Variants in DOCK9 observed in about 807,000 individuals in gnomAD.
DOCK9 encodes dedicator of cytokinesis 9.
In DOCK9, 89 loss-of-function variants were observed where a neutral mutation model predicts 263.3. The observed-to-expected ratio is 0.34, with a 90% CI of 0.28 to 0.40. The LOEUF is 0.40. DOCK9 is among the 10% of genes least tolerant of loss of function. The probability of loss-of-function intolerance (pLI) is 1.00; values close to 1 mark genes in which losing one functional copy is unlikely to be tolerated. For synonymous variants in DOCK9, 976 were observed against 973.1 expected, an observed-to-expected ratio of 1.00 and a Z score of -0.06; for missense variants, 2,140 against 2,603.4, an observed-to-expected ratio of 0.82 and a Z score of 3.87.
intron 1 of DOCK9, among the ~76,000 whole-genome samples, chr13:99,066,258 A>T (rs954399917): frequency 6.6e-6 from 1 of 152,200 alleles, no homozygotes; most frequent in African/African-American, 2.4e-5. Context: ...TGTTTCCAAA[A>T]GCCCCCAAGC....
chr13:98,811,777 A>G (rs1255670078), intron 45 of DOCK9, among the ~76,000 whole-genome samples: 1 of 152,240 alleles, frequency 6.6e-6, no homozygotes. Context: ...AAGTTTATCA[A>G]GTTTTTATTT....
At position 98,881,419 on chromosome 13, in the gene DOCK9, C is replaced by T; in HGVS notation, c.2745+139G>A. On this transcript the variant is annotated intron_variant, in intron 25 of 52. Coordinates refer to ENST00000682017, the MANE Select transcript of DOCK9 (RefSeq NM_001366683.2). ...CGTACCTCCCCTATTCAGGTACAAG[C>T]ATTGGCTATGAGAAATAGAAGAGAA... is the stretch of plus-strand genomic sequence containing the variant. 3.1e-6 allele frequency: 2 copies of T among 640,100 alleles called. 1 individual carries two copies. The highest frequency in any genetic ancestry group is 5.7e-5 in the Admixed American group (2 of 34,920). The allele number at this position is 640,100 out of a possible 1,614,324, so 39.7% of individuals were successfully genotyped here.
intron 45 of DOCK9, among the ~76,000 whole-genome samples, chr13:98,810,554 A>C (rs1390780765): frequency 6.6e-6 from 1 of 152,226 alleles, no homozygotes; most frequent in Non-Finnish European, 1.5e-5. Context: ...TAACTGCATA[A>C]TACATGGAAA....
chr13:98,956,747 A>C (rs960108475), intron 1 of DOCK9, among the ~76,000 whole-genome samples: 2 of 152,198 alleles, frequency 1.3e-5, no homozygotes, highest in African/African-American at 4.8e-5. Flanking sequence ...ACTCCATCTC[A>C]AAAAACAAAA....
intron 1 of DOCK9, among the ~76,000 whole-genome samples, chr13:98,969,463 G>GAA (rs56102330): frequency 0.36 from 53,188 of 148,812 alleles, 9,921 homozygotes; most frequent in African/African-American, 0.48. Flanking sequence ...GCGGGAGAAA[G>GAA]AAAAAAAAAA....
chr13:99,086,286 C>T, exon 1 of DOCK9: 2 of 1,495,818 alleles, frequency 1.3e-6, no homozygotes, highest in Non-Finnish European at 1.8e-6. Flanking sequence ...CCGTGCCCGG[C>T]TTACTCAGCG....
intron 1 of DOCK9, among the ~76,000 whole-genome samples, chr13:99,041,181 G>T (rs1210303652): frequency 1.3e-5 from 2 of 152,230 alleles, no homozygotes; most frequent in East Asian, 3.9e-4. Context: ...ACACTCTCCT[G>T]TATTTTTAAA....
intron 33 of DOCK9, chr13:98,857,474 A>G (rs1418946774): frequency 2.0e-5 from 3 of 152,226 alleles, no homozygotes; most frequent in Non-Finnish European, 4.4e-5. Flanking sequence ...TATTTCTAGT[A>G]GAGACGGGTT....
intron 32 of DOCK9, 144 bp from the exon 33 acceptor site, chr13:98,860,666 G>T: frequency 1.4e-6 from 1 of 714,684 alleles, no homozygotes; most frequent in Non-Finnish European, 2.2e-6. Flanking sequence ...TAGCCTTGAG[G>T]CGTGGGTGAG....
chr13:98,945,274 CGATTTTCT>C (rs1250918054), intron 2 of DOCK9, among the ~76,000 whole-genome samples: 2 of 152,142 alleles, frequency 1.3e-5, no homozygotes, highest in Admixed American at 6.5e-5. Context: ...TGTACATCTA[CGATTTTCT>C]GAATTTCTTC....
chr13:99,050,835 C>A (rs1186091730), intron 1 of DOCK9, among the ~76,000 whole-genome samples: 2 of 152,324 alleles, frequency 1.3e-5, no homozygotes, highest in East Asian at 3.9e-4. Flanking sequence ...AAACCAGCCT[C>A]CACTTCATAT....
chr13:98,863,109 G>A lies in DOCK9; in HGVS notation c.3489C>T (p.Thr1163=). Residue 1163 remains threonine, a synonymous_variant, in exon 32 of 53, where the codon ACC becomes ACT. Transcript: ENST00000682017. ...GCAGACCAAACAGAGGCAGGTAGAG[G>A]GTGGCTATCCTTGCCTGATGGCTCT... ...ASRSHQARIA[T]LYLPLFGLLI... 1 of 1,609,340 alleles carries A rather than the reference G, an allele frequency of 6.2e-7. No homozygotes were observed. Among genetic ancestry groups the A allele is most frequent in the Non-Finnish European group, 8.5e-7 (1 of 1,177,954 alleles).
chr13:98,886,562 G>C lies in DOCK9; in HGVS notation c.2106C>G (p.His702Gln), dbSNP rs765729652. Reference sequence around the variant, plus strand: ...CATAAAATTCTGGGTTTTGGTGATGGTGTAAAACTGCAGCAAAGGCGCTTC... The same window carrying C: ...CATAAAATTCTGGGTTTTGGTGATGCTGTAAAACTGCAGCAAAGGCGCTTC... ...FTRSAFAAVLHHHQNPEFYDE... is the reference protein window; with the variant it reads ...FTRSAFAAVLQHHQNPEFYDE... Residue 702 changes from histidine (H) to glutamine (Q), a missense_variant, in exon 19 of 53, where the codon CAC (histidine) becomes CAG (glutamine). Physicochemically the swap from His to Gln is conservative, Grantham distance 24. Transcript: ENST00000682017. 1.9e-6 allele frequency: 3 copies of C among 1,613,640 alleles called. No individual in the cohort carries two copies. Among genetic ancestry groups the C allele is most frequent in the Non-Finnish European group, 2.5e-6 (3 of 1,179,768 alleles).
intron 27 of DOCK9, among the ~76,000 whole-genome samples, chr13:98,871,335 G>A (rs2094180241): frequency 6.6e-6 from 1 of 152,116 alleles, no homozygotes; most frequent in African/African-American, 2.4e-5. Context: ...TAAAATGTTT[G>A]TATTAAAAAG....
chr13:98,856,189 G>A (rs2093702492), intron 33 of DOCK9, 158 bp from the exon 34 acceptor site: 5 of 660,506 alleles, frequency 7.6e-6, no homozygotes, highest in Non-Finnish European at 1.2e-5. Flanking sequence ...TAAAGAACCA[G>A]GTCATATACA....
intron 7 of DOCK9, among the ~76,000 whole-genome samples, chr13:98,918,293 G>A (rs1566960701): frequency 6.6e-6 from 1 of 152,056 alleles, no homozygotes; most frequent in Admixed American, 6.6e-5. Flanking sequence ...ACGAGACCTG[G>A]GGAAGACCAA....
intron 1 of DOCK9, among the ~76,000 whole-genome samples, chr13:98,998,340 C>A (rs1254147242): frequency 6.6e-6 from 1 of 152,190 alleles, no homozygotes; most frequent in Non-Finnish European, 1.5e-5. Context: ...TGCTCACCCT[C>A]TGGGTATCCA....
chr13:99,043,428 C>G (rs1021182716), intron 1 of DOCK9, among the ~76,000 whole-genome samples: 2 of 151,650 alleles, frequency 1.3e-5, no homozygotes, highest in African/African-American at 2.4e-5. Flanking sequence ...CCCAGAAATC[C>G]TAGGTAGGCT....
At chr13:98,996,604 T>C (rs143375614) in intron 1 of DOCK9, among the ~76,000 whole-genome samples, 355 of 152,364 alleles carry the variant, frequency 2.3e-3, no homozygotes, top group African/African-American at 7.9e-3. Context: ...CAGGGCCATA[T>C]GTGGCCCAGG....
Sources: allele counts gnomAD v4.1 joint callset (sites outside exome capture counted in the v4.1 genomes callset), GRCh38; gene constraint gnomAD v4.1.1; transcripts MANE v1.5; gene names NCBI Gene and HGNC (gene_info 2026-07-23, HGNC 2026-07-21).